JAZF1: variants seen among roughly 807,000 people sequenced by gnomAD.
The protein encoded by JAZF1 is JAZF zinc finger 1.
A neutral mutation model predicts 26.4 loss-of-function variants in JAZF1; 8 were observed. That is an observed-to-expected ratio of 0.30 (90% confidence interval 0.18 to 0.55). JAZF1 has a LOEUF of 0.55. JAZF1 is among the 20% of genes least tolerant of loss of function. The probability of loss-of-function intolerance (pLI) is 0.94; values close to 1 mark genes in which losing one functional copy is unlikely to be tolerated. For synonymous variants in JAZF1, 126 were observed against 122.3 expected (o/e 1.03, Z -0.20); for missense variants, 199 against 322.0 (o/e 0.62, Z 2.92).
rs544925804 is a variant in JAZF1, at chr7:27,885,487, T to TC, written c.385+9732dup. 1.5e-3 allele frequency among the ~76,000 whole-genome samples: 236 copies of TC among 152,272 alleles called. 1 individual carries two copies. Among genetic ancestry groups the TC allele is most frequent in the African/African-American group, 5.3e-3 (221 of 41,542 alleles). ...CTGTGTTAATAACAACAGTGTCATT[T>TC]CCCCCCATTTCTAAATTGGGTTGTC... On this transcript the variant is annotated intron_variant, in intron 3 of 4. Transcript: ENST00000283928.
At chr7:27,837,118 G>C (rs1477287145) in intron 4 of JAZF1, among the ~76,000 whole-genome samples, 1 of 152,192 alleles carries the variant, frequency 6.6e-6, no homozygotes, top group Non-Finnish European at 1.5e-5. Flanking sequence ...GAGGACTCCA[G>C]AGGAACTTTG....
chr7:28,140,302 C>T (rs1782943801), intron 1 of JAZF1, among the ~76,000 whole-genome samples: 2 of 151,958 alleles, frequency 1.3e-5, no homozygotes, highest in Admixed American at 1.3e-4. Flanking sequence ...AGGCTGGTCT[C>T]GAAGTCCCAA....
chr7:28,055,208 A>T (rs1484567547), intron 1 of JAZF1, among the ~76,000 whole-genome samples: 1 of 151,968 alleles, frequency 6.6e-6, no homozygotes, highest in East Asian at 1.9e-4. Context: ...TCCAACTTCT[A>T]GTCTAGTCTC....
At chr7:27,841,753 C>G (rs1374090618) in intron 3 of JAZF1, 4 of 152,194 alleles carry the variant, frequency 2.6e-5, no homozygotes, top group East Asian at 1.9e-4. Context: ...GCCTCTTTTG[C>G]TCTTTTTTAA....
intron 2 of JAZF1, among the ~76,000 whole-genome samples, chr7:27,945,359 G>C (rs1784911049): frequency 6.6e-6 from 1 of 152,176 alleles, no homozygotes; most frequent in South Asian, 2.1e-4. Context: ...AAGCTCTGCT[G>C]ATCATCCCCC....
At chr7:28,155,260 G>A (rs1413493737) in intron 1 of JAZF1, among the ~76,000 whole-genome samples, 1 of 152,144 alleles carries the variant, frequency 6.6e-6, no homozygotes, top group Non-Finnish European at 1.5e-5. Context: ...AAAGAGACTG[G>A]GCAGTTGTGC....
intron 2 of JAZF1, among the ~76,000 whole-genome samples, chr7:27,976,569 A>G (rs1173646972): frequency 6.6e-6 from 1 of 152,120 alleles, no homozygotes; most frequent in South Asian, 2.1e-4. Flanking sequence ...TCAGGCCACA[A>G]ACTTCAGTCT....
At chr7:27,996,366 C>T (rs916619642) in intron 1 of JAZF1, among the ~76,000 whole-genome samples, 2 of 152,150 alleles carry the variant, frequency 1.3e-5, no homozygotes, top group Non-Finnish European at 2.9e-5. Context: ...TGTTCAAATT[C>T]GATATCCTCC....
At chr7:28,098,302 C>T (rs1784416882) in intron 1 of JAZF1, among the ~76,000 whole-genome samples, 2 of 152,102 alleles carry the variant, frequency 1.3e-5, no homozygotes, top group Admixed American at 1.3e-4. Flanking sequence ...CGGCCAGCAC[C>T]TTGATCTCAG....
intron 1 of JAZF1, among the ~76,000 whole-genome samples, chr7:28,033,157 T>A (rs1444826334): frequency 6.6e-6 from 1 of 152,198 alleles, no homozygotes; most frequent in Non-Finnish European, 1.5e-5. Flanking sequence ...AAGTGCCTGG[T>A]ACTTAGTTGA....
chr7:28,153,612 T>C (rs1783139766), intron 1 of JAZF1, among the ~76,000 whole-genome samples: 1 of 152,198 alleles, frequency 6.6e-6, no homozygotes, highest in Non-Finnish European at 1.5e-5. Flanking sequence ...TGAACAAACC[T>C]ATTCCCTCTT....
chr7:28,081,169 C>A (rs2127916155), intron 1 of JAZF1, among the ~76,000 whole-genome samples: 1 of 152,274 alleles, frequency 6.6e-6, no homozygotes, highest in East Asian at 1.9e-4. Flanking sequence ...TGGGATGTGA[C>A]CCAGTCAGGT....
chr7:28,138,644 C>G (rs1389904832), intron 1 of JAZF1, among the ~76,000 whole-genome samples: 4 of 152,198 alleles, frequency 2.6e-5, no homozygotes, highest in African/African-American at 9.6e-5. Flanking sequence ...TCCTAACTCG[C>G]TCTGTGAAGA....
intron 1 of JAZF1, among the ~76,000 whole-genome samples, chr7:28,150,319 G>C (rs1369234231): frequency 6.6e-6 from 1 of 152,164 alleles, no homozygotes; most frequent in East Asian, 1.9e-4. Context: ...CAGATGGCCT[G>C]CAAAAGAATT....
intron 2 of JAZF1, among the ~76,000 whole-genome samples, chr7:27,969,834 T>C (rs1234296844): frequency 6.6e-6 from 1 of 152,228 alleles, no homozygotes; most frequent in African/African-American, 2.4e-5. Flanking sequence ...GGCCTTGCCT[T>C]GGCCATGCCT....
chr7:27,957,388 T>C (rs1027050156), intron 2 of JAZF1, among the ~76,000 whole-genome samples: 6 of 152,222 alleles, frequency 3.9e-5, no homozygotes, highest in African/African-American at 1.4e-4. Context: ...CAAGGTAGCC[T>C]CAGAGGAAGC....
intron 1 of JAZF1, among the ~76,000 whole-genome samples, chr7:28,097,197 G>A (rs1410611975): frequency 6.6e-6 from 1 of 151,904 alleles, no homozygotes; most frequent in East Asian, 1.9e-4. Context: ...TGAAATCTTG[G>A]CTCCCACCAC....
intron 1 of JAZF1, among the ~76,000 whole-genome samples, chr7:28,138,801 G>A (rs988980407): frequency 1.3e-5 from 2 of 152,116 alleles, no homozygotes; most frequent in African/African-American, 2.4e-5. Flanking sequence ...ACCTGGGCTC[G>A]GGCCCCAGAC....
At chr7:27,839,187 G>A (rs538371223) in intron 4 of JAZF1, among the ~76,000 whole-genome samples, 3 of 151,242 alleles carry the variant, frequency 2.0e-5, no homozygotes, top group East Asian at 1.9e-4. Flanking sequence ...GTTTTTTGGC[G>A]GGTCAGCCGA....
Sources: gnomAD v4.1 joint callset for allele counts (sites outside exome capture counted in the v4.1 genomes callset) on GRCh38, gnomAD v4.1.1 for gene constraint, MANE v1.5 for transcripts, NCBI Gene and HGNC (gene_info 2026-07-23, HGNC 2026-07-21) for gene names.